The following CYB5D2 variants were observed in gnomAD, a reference collection of about 807,000 sequenced individuals.
The protein encoded by CYB5D2 is cytochrome b5 domain containing 2, also known as neuferricin.
In CYB5D2, 23 loss-of-function variants were observed where a neutral mutation model predicts 22.8. That is an observed-to-expected ratio of 1.01 (90% CI 0.73 to 1.43). The LOEUF (loss-of-function observed/expected upper bound fraction) is 1.43, where lower values mean the gene tolerates loss of function less well. Among genes scored for constraint, CYB5D2 ranks in the 40% most tolerant of loss-of-function variants. CYB5D2 has a pLI of 0.00. For missense variants in CYB5D2, 373 were observed against 357.2 expected (o/e 1.04, Z -0.36); for synonymous variants, 170 against 152.2 (o/e 1.12, Z -0.86).
intron 1 of CYB5D2, among the ~76,000 whole-genome samples, chr17:4,145,305 C>A (rs750300817): frequency 6.6e-6 from 1 of 152,144 alleles, no homozygotes; most frequent in African/African-American, 2.4e-5. Flanking sequence ...TAAAGAAATA[C>A]AAAAGTTGAC....
rs552167508 is a variant in CYB5D2 at position 4,146,629 on chromosome 17, A to G, written c.250+2624A>G. Among the ~76,000 whole-genome samples, 10 of 151,782 alleles carry G rather than the reference A, an allele frequency of 6.6e-5. 1 individual carries two copies. Among genetic ancestry groups the G allele is most frequent in the Middle Eastern group, 3.4e-3 (1 of 292 alleles). ...ATGGTCTCGATCTCCTGACCTCGTGATCTGCCTACCTCAGCCTCCCAAAGT... is the reference window on the plus strand; with the variant it reads ...ATGGTCTCGATCTCCTGACCTCGTGGTCTGCCTACCTCAGCCTCCCAAAGT... On this transcript the variant is annotated intron_variant, in intron 1 of 3. Transcript: ENST00000301391.
intron 2 of CYB5D2, among the ~76,000 whole-genome samples, chr17:4,151,280 C>G (rs1235303210): frequency 6.6e-6 from 1 of 152,196 alleles, no homozygotes; most frequent in African/African-American, 2.4e-5. Context: ...ATCGAAGGCA[C>G]TGACCTCTAC....
At position 4,143,640 on chromosome 17, in the gene CYB5D2, C is replaced by T; in HGVS notation, c.-116C>T. 2.1e-6 allele frequency: 3 copies of T among 1,426,424 alleles called. No individual in the cohort carries two copies. The highest frequency in any genetic ancestry group is 1.4e-5 in the South Asian group (1 of 72,300). The allele number at this position is 1,426,424 out of a possible 1,614,324, so 88.4% of individuals were successfully genotyped here. Reference sequence around the variant, plus strand: ...AAGGGAGGGAGCGCGAGCACTAGCGCGCGAGAGAGAGAGCGAGAGCGCGCG... The same window carrying T: ...AAGGGAGGGAGCGCGAGCACTAGCGTGCGAGAGAGAGAGCGAGAGCGCGCG... On this transcript the variant is annotated 5_prime_UTR_variant, in exon 1 of 4. Coordinates refer to ENST00000301391, the MANE Select transcript of CYB5D2 (RefSeq NM_144611.4).
At position 4,156,985 on chromosome 17, in the gene CYB5D2, A is replaced by G. The variant is rs748601322; in HGVS notation, c.698A>G (p.Asn233Ser). 17 of 1,612,760 alleles carry G rather than the reference A, an allele frequency of 1.1e-5. No homozygotes were observed. The highest frequency in any genetic ancestry group is 4.0e-4 in the Middle Eastern group (2 of 4,962). ...CCCCCTAGTGGCCAGATGCCGGACA[A>G]CCCTCCACACAGAAATCGTGGGGAC... ...TGPPSGQMPD[N>S]PPHRNRGDLD... is the part of the protein sequence containing the mutation. The change falls in exon 4 of 4, where the codon AAC becomes AGC. Residue 233 changes from asparagine to serine, a missense_variant. Asn to Ser is a conservative substitution (Grantham distance 46, BLOSUM62 1). Transcript: ENST00000301391.
chr17:4,151,208 C>T (rs1321646622), intron 2 of CYB5D2, among the ~76,000 whole-genome samples: 1 of 152,058 alleles, frequency 6.6e-6, no homozygotes, highest in African/African-American at 2.4e-5. Context: ...CTCTGCAGCA[C>T]GCCTTTCTTC....
At position 4,143,768 on chromosome 17, in the gene CYB5D2, G is replaced by A. The variant is rs146655031; in HGVS notation, c.13G>A (p.Gly5Arg). 1,487 of 1,613,504 alleles carry A rather than the reference G, an allele frequency of 9.2e-4. 8 individuals carry two copies. The highest frequency in any genetic ancestry group is 9.8e-4 in the Non-Finnish European group (1,158 of 1,179,876). ...TGGGCCTATATAGATGTTGAGGTGCGGAGGCCGTGGGCTTTTGTTGGGCCT... is the reference window on the plus strand; with the variant it reads ...TGGGCCTATATAGATGTTGAGGTGCAGAGGCCGTGGGCTTTTGTTGGGCCT... MLRC[G>R]GRGLLLGLAV... Residue 5 changes from glycine (G) to arginine (R), a missense_variant, in exon 1 of 4, where the codon GGA becomes AGA. By Grantham distance (125) the Gly-to-Arg change is moderately radical. Coordinates refer to ENST00000301391, the MANE Select transcript of CYB5D2 (RefSeq NM_144611.4).
At chr17:4,150,667 T>G (rs1223541036) in intron 2 of CYB5D2, among the ~76,000 whole-genome samples, 1 of 152,102 alleles carries the variant, frequency 6.6e-6, no homozygotes, top group Admixed American at 6.6e-5. Context: ...GTTGGATCAC[T>G]TGAGGTCAGG....
Position 4,144,097 on chromosome 17 carries a change from CCCCCCCATCCCCA to C in CYB5D2, c.250+97_250+109del, listed in dbSNP as rs929846028. 2.1e-5 allele frequency: 30 copies of C among 1,457,652 alleles called. No individual in the cohort carries two copies. In the Admixed American group the frequency reaches 5.5e-4, roughly 27 times the overall value. The allele number at this position is 1,457,652 out of a possible 1,614,324, so 90.3% of individuals were successfully genotyped here. A position where few individuals can be genotyped will look rare whatever the true frequency, so the allele number is the denominator to read the frequency against. On this transcript the variant is annotated intron_variant, in intron 1 of 3. Transcript: ENST00000301391. The stretch of plus-strand genomic sequence containing the variant: ...CGTTGGTTCATTATTCATCTATTTC[CCCCCCCATCCCCA>C]CCCCACATCCATCAAACCCGTGCGG...
chr17:4,148,714 C>T (rs2059020823), intron 1 of CYB5D2, among the ~76,000 whole-genome samples: 1 of 152,078 alleles, frequency 6.6e-6, no homozygotes, highest in African/African-American at 2.4e-5. Context: ...GTCCCAGCTA[C>T]TCGGGAGGCT....
chr17:4,144,542 C>T (rs1055281007), intron 1 of CYB5D2, among the ~76,000 whole-genome samples: 1 of 152,108 alleles, frequency 6.6e-6, no homozygotes, highest in Non-Finnish European at 1.5e-5. Context: ...TGAGTCATTC[C>T]TGCTTCTAGT....
Position 4,157,355 on chromosome 17 carries a change from AC to A in CYB5D2, c.*274del. ...TCTTCCTCACAGCCCTCAGATATCA[AC>A]GGGCACAAATAAGACCAACTCAATT... On this transcript the variant is annotated 3_prime_UTR_variant, in exon 4 of 4. Transcript: ENST00000301391. This position sits in a 1 kb window ranked among gnomAD's most constrained non-coding sequence, Gnocchi z 4.4. 1 of 517,000 alleles carries A rather than the reference AC, an allele frequency of 1.9e-6. No individual in the cohort carries two copies. Among genetic ancestry groups the A allele is most frequent in the Non-Finnish European group, 3.5e-6 (1 of 286,156 alleles). The allele number at this position is 517,000 out of a possible 1,614,324, so 32.0% of individuals were successfully genotyped here.
chr17:4,145,153 A>G (rs951404391), intron 1 of CYB5D2, among the ~76,000 whole-genome samples: 10 of 152,114 alleles, frequency 6.6e-5, no homozygotes. Context: ...TTTAAAAAGA[A>G]AAAAAAAGTG....
intron 2 of CYB5D2, among the ~76,000 whole-genome samples, chr17:4,151,447 G>T (rs2059056451): frequency 6.6e-6 from 1 of 152,214 alleles, no homozygotes. Flanking sequence ...CACTTTGGGA[G>T]GCCGAGGTGG....
At chr17:4,144,343 C>T (rs8079619) in intron 1 of CYB5D2, among the ~76,000 whole-genome samples, 33,069 of 151,998 alleles carry the variant, frequency 0.22, 3,688 homozygotes, top group Middle Eastern at 0.26. Flanking sequence ...CACAGATAAA[C>T]GAGATCCCGC....
In CYB5D2 at chr17:4,157,127, C is replaced by G; in HGVS notation, c.*45C>G. The G allele has an allele frequency of 6.3e-7, 1 of 1,596,042 alleles. No individual in the cohort carries two copies. Among genetic ancestry groups the G allele is most frequent in the Non-Finnish European group, 8.5e-7 (1 of 1,170,066 alleles). On this transcript the variant is annotated 3_prime_UTR_variant, in exon 4 of 4. Coordinates refer to ENST00000301391, the MANE Select transcript of CYB5D2 (RefSeq NM_144611.4). This position sits in a 1 kb window ranked among gnomAD's most constrained non-coding sequence, Gnocchi z 4.4. ...ATAACACACAGAGAGCTCTGCCAAG[C>G]ACCTGAGTAGGCCCTTGACACTTGT...
chr17:4,147,580 G>A (rs890069460), intron 1 of CYB5D2, among the ~76,000 whole-genome samples: 1 of 152,240 alleles, frequency 6.6e-6, no homozygotes, highest in Non-Finnish European at 1.5e-5. Context: ...GTGGCCAGGT[G>A]TGGTGGCTCA....
At chr17:4,154,984 T>C (rs1217241443) in intron 3 of CYB5D2, 124 bp downstream of exon 3, 6 of 1,032,398 alleles carry the variant, frequency 5.8e-6, no homozygotes, top group Non-Finnish European at 1.4e-6. Flanking sequence ...TTCAAAATAC[T>C]GATAATAATT....
intron 1 of CYB5D2, among the ~76,000 whole-genome samples, chr17:4,145,351 C>T (rs2142992750): frequency 6.6e-6 from 1 of 152,236 alleles, no homozygotes; most frequent in Non-Finnish European, 1.5e-5. Context: ...CTCGCAAATC[C>T]CCTGAGATAG....
intron 1 of CYB5D2, among the ~76,000 whole-genome samples, chr17:4,147,855 AAAAC>A (rs763847432): frequency 6.2e-4 from 95 of 152,338 alleles, no homozygotes; most frequent in Non-Finnish European, 8.8e-4. Flanking sequence ...CTCTGTCTCA[AAAAC>A]AAACAAACAG....
Sources: allele counts gnomAD v4.1 joint callset (sites outside exome capture counted in the v4.1 genomes callset), GRCh38; gene constraint gnomAD v4.1.1; non-coding constraint Gnocchi (gnomAD v3.1); transcripts MANE v1.5; gene names NCBI Gene and HGNC (gene_info 2026-07-23, HGNC 2026-07-21).